The following NDRG3 variants were observed in gnomAD, a reference collection of about 807,000 sequenced individuals.
NDRG3 encodes the protein protein NDRG3.
Under a neutral mutation model 57.2 loss-of-function variants are expected in NDRG3, and 23 were observed. The observed-to-expected ratio is 0.40, with a 90% CI of 0.29 to 0.57. The LOEUF is 0.57. Among genes scored for constraint, NDRG3 ranks in the 20% least tolerant of loss-of-function variants. The pLI is 0.42. For synonymous variants in NDRG3, 132 were observed against 162.6 expected (o/e 0.81, Z 1.43); for missense variants, 384 against 457.3 (o/e 0.84, Z 1.46).
At chr20:36,672,392 T>C (rs550260764) in intron 8 of NDRG3, among the ~76,000 whole-genome samples, 1 of 152,258 alleles carries the variant, frequency 6.6e-6, no homozygotes, top group South Asian at 2.1e-4. Flanking sequence ...AAGTACTGAA[T>C]TGGGGGTAAG....
chr20:36,709,531 T>C (rs1250455688), intron 2 of NDRG3, among the ~76,000 whole-genome samples: 2 of 152,188 alleles, frequency 1.3e-5, no homozygotes, highest in Non-Finnish European at 2.9e-5. Context: ...GAAAGACAAC[T>C]AAGATACTGT....
At chr20:36,709,154 T>C (rs939650796) in intron 2 of NDRG3, among the ~76,000 whole-genome samples, 42 of 152,340 alleles carry the variant, frequency 2.8e-4, no homozygotes, top group African/African-American at 1.0e-3. Flanking sequence ...CACTATCCAG[T>C]ACGGTAGCCG....
intron 1 of NDRG3, among the ~76,000 whole-genome samples, chr20:36,743,411 T>C (rs1986013343): frequency 6.6e-6 from 1 of 152,034 alleles, no homozygotes; most frequent in Admixed American, 6.6e-5. Flanking sequence ...GGAAAATCGC[T>C]TGAACCCAGG....
chr20:36,660,288 A>G (rs1979053330), intron 13 of NDRG3, 49 bp downstream of exon 13: 1 of 1,353,772 alleles, frequency 7.4e-7, no homozygotes, highest in Non-Finnish European at 1.0e-6. Context: ...AAATATGATT[A>G]ATCTGAAGCA....
At chr20:36,654,709 C>T (rs1363616191) in intron 15 of NDRG3, 7 of 764,272 alleles carry the variant, frequency 9.2e-6, no homozygotes, top group African/African-American at 5.1e-5. Context: ...ATCGGGCTCT[C>T]ACTGCATAGG....
At chr20:36,743,813 G>A (rs1312931498) in intron 1 of NDRG3, among the ~76,000 whole-genome samples, 1 of 150,306 alleles carries the variant, frequency 6.7e-6, no homozygotes, top group Non-Finnish European at 1.5e-5. Flanking sequence ...GCGAGACTCC[G>A]TCTCAAAAAA....
chr20:36,712,559 C>CTATATATATATATATATATA (rs1201319236), intron 2 of NDRG3, among the ~76,000 whole-genome samples: 2 of 20,746 alleles, frequency 9.6e-5, no homozygotes, highest in Non-Finnish European at 1.9e-4. Context: ...CCATGCCCGG[C>CTATATATATATATATATATA]TATATATATA....
chr20:36,717,347 T>C (rs1170148605), intron 2 of NDRG3, among the ~76,000 whole-genome samples: 1 of 152,220 alleles, frequency 6.6e-6, no homozygotes, highest in African/African-American at 2.4e-5. Flanking sequence ...TAGTCTTCCT[T>C]TAGCTTCCTG....
rs113872896 is a variant in NDRG3, at chr20:36,668,175, G to A, written c.589-1783C>T. Among the ~76,000 whole-genome samples, 502 of 152,274 alleles carry A rather than the reference G, an allele frequency of 3.3e-3. 4 individuals carry two copies. The highest frequency in any genetic ancestry group is 0.012 in the African/African-American group (486 of 41,548). On this transcript the variant is annotated intron_variant, in intron 9 of 15. Transcript: ENST00000349004. The stretch of plus-strand genomic sequence containing the variant: ...GAGGATGGCTTGAGCCCAGGAGGTC[G>A]AGGCTGCAGCGAACTAAGATGGCAC...
chr20:36,671,264 C>T, intron 9 of NDRG3, 77 bp downstream of exon 9: 1 of 1,211,120 alleles, frequency 8.3e-7, no homozygotes, highest in South Asian at 1.3e-5. Context: ...CTAAGGCAGC[C>T]CTTCTTTCCT....
intron 4 of NDRG3, 99 bp downstream of exon 4, chr20:36,688,580 G>T: frequency 2.3e-6 from 2 of 879,942 alleles, no homozygotes; most frequent in East Asian, 2.5e-5. Context: ...CCACAGAGAG[G>T]GGGAAACCTC....
intron 1 of NDRG3, among the ~76,000 whole-genome samples, chr20:36,741,549 A>G (rs937818607): frequency 3.3e-5 from 5 of 152,252 alleles, no homozygotes; most frequent in African/African-American, 1.2e-4. Flanking sequence ...ATAGAAAGGT[A>G]AAAAAGTAAA....
chr20:36,725,230 G>C (rs1190355533), intron 1 of NDRG3, among the ~76,000 whole-genome samples: 1 of 152,092 alleles, frequency 6.6e-6, no homozygotes, highest in Non-Finnish European at 1.5e-5. Context: ...CTTGGAGGTG[G>C]AGGTTGCAGT....
chr20:36,720,115 A>G (rs1326405157), intron 2 of NDRG3, among the ~76,000 whole-genome samples: 1 of 151,876 alleles, frequency 6.6e-6, no homozygotes, highest in African/African-American at 2.4e-5. Flanking sequence ...TCAAAAAAAA[A>G]AAAAGAAGGA....
At chr20:36,720,475 A>G (rs1216180762) in intron 2 of NDRG3, among the ~76,000 whole-genome samples, 1 of 152,040 alleles carries the variant, frequency 6.6e-6, no homozygotes, top group Admixed American at 6.6e-5. Context: ...ACCTGGCCAA[A>G]ACCTTTCTTT....
At chr20:36,688,857 T>C in intron 3 of NDRG3, 73 bp from the exon 4 acceptor site, 1 of 1,039,204 alleles carries the variant, frequency 9.6e-7, no homozygotes, top group Admixed American at 1.7e-5. Context: ...TCACAATACC[T>C]GCTTTACCAC....
rs139906179 is a variant in NDRG3 at position 36,737,508 on chromosome 20, G to A, written c.-49+8537C>T. On this transcript the variant is annotated intron_variant, in intron 1 of 15. Coordinates refer to ENST00000349004, the MANE Select transcript of NDRG3 (RefSeq NM_032013.4). ...AGCGCTTAACACTATGCCAGGTACC[G>A]TGATAAGCACTTTATGGATTCATTA... is the stretch of plus-strand genomic sequence containing the variant. Among the ~76,000 whole-genome samples the A allele has an allele frequency of 2.0e-4, 30 of 152,272 alleles. 2 individuals are homozygous for A. Among genetic ancestry groups the A allele is most frequent in the African/African-American group, 5.3e-4 (22 of 41,550 alleles).
chr20:36,675,261 C>T (rs763327789), intron 8 of NDRG3, among the ~76,000 whole-genome samples: 16 of 150,738 alleles, frequency 1.1e-4, no homozygotes, highest in Non-Finnish European at 2.4e-4. Flanking sequence ...GGTTTTGCCA[C>T]GTTGGCCAGG....
chr20:36,723,212 A>C (rs907700517), intron 1 of NDRG3, among the ~76,000 whole-genome samples: 9 of 152,216 alleles, frequency 5.9e-5, no homozygotes, highest in Non-Finnish European at 1.0e-4. Context: ...GATCTATAGC[A>C]ATAGAGAACT....
Sources: gnomAD v4.1 joint callset for allele counts (sites outside exome capture counted in the v4.1 genomes callset) on GRCh38, gnomAD v4.1.1 for gene constraint, MANE v1.5 for transcripts, NCBI Gene and HGNC (gene_info 2026-07-23, HGNC 2026-07-21) for gene names.